AKT3: variants seen among roughly 807,000 people sequenced by gnomAD.
AKT3 encodes the protein AKT serine/threonine kinase 3.
A neutral mutation model predicts 65.3 loss-of-function variants in AKT3; 15 were observed. That is an observed-to-expected ratio of 0.23 (90% CI 0.15 to 0.35). The LOEUF (loss-of-function observed/expected upper bound fraction) is 0.35, where lower values mean the gene tolerates loss of function less well. AKT3 is among the 10% of genes least tolerant of loss of function. AKT3 has a pLI of 1.00. For synonymous variants in AKT3, 206 were observed against 183.8 expected (o/e 1.12, Z -0.98); for missense variants, 243 against 576.5 (o/e 0.42, Z 5.92).
intron 2 of AKT3, among the ~76,000 whole-genome samples, chr1:243,833,589 G>A (rs1302785539): frequency 6.6e-6 from 1 of 152,006 alleles, no homozygotes; most frequent in African/African-American, 2.4e-5. Context: ...GGGACACGAA[G>A]CCTAACCATA....
intron 3 of AKT3, among the ~76,000 whole-genome samples, chr1:243,691,871 C>T (rs1329324146): frequency 6.6e-6 from 1 of 152,116 alleles, no homozygotes; most frequent in East Asian, 1.9e-4. Flanking sequence ...CAAAAGTCAA[C>T]GTGTCCGCCC....
intron 8 of AKT3, among the ~76,000 whole-genome samples, chr1:243,592,984 G>T (rs531554125): frequency 6.6e-6 from 1 of 152,234 alleles, no homozygotes; most frequent in African/African-American, 2.4e-5. Context: ...ATGTGAAATG[G>T]TATAATCTAA....
chr1:243,846,649 G>A (rs1184538026), intron 1 of AKT3, among the ~76,000 whole-genome samples: 1 of 152,020 alleles, frequency 6.6e-6, no homozygotes, highest in Non-Finnish European at 1.5e-5. Context: ...TATTTAATTT[G>A]GCATTTTAAA....
chr1:243,500,245 C>T lies in AKT3; in HGVS notation c.*5004G>A. ...TGATCTATATATCAATCATCCTTCA[C>T]CTTTAATCAATGTCCCATCAGACTC... is the stretch of plus-strand genomic sequence containing the variant. On this transcript the variant is annotated 3_prime_UTR_variant, in exon 14 of 14. Coordinates refer to ENST00000673466, the MANE Select transcript of AKT3 (RefSeq NM_005465.7). 4.2e-6 allele frequency: 1 copy of T among 238,486 alleles called. No individual in the cohort carries two copies. The highest frequency in any genetic ancestry group is 8.3e-6 in the Non-Finnish European group (1 of 120,678). 14.8% of individuals were successfully genotyped at this position (238,486 alleles called of 1,614,324 possible).
chr1:243,842,960 T>G (rs1695337985), intron 2 of AKT3, among the ~76,000 whole-genome samples, 165 bp downstream of exon 2: 1 of 152,120 alleles, frequency 6.6e-6, no homozygotes, highest in South Asian at 2.1e-4. Context: ...AAAAAATCCC[T>G]TAATAACAAG....
intron 2 of AKT3, among the ~76,000 whole-genome samples, chr1:243,728,286 C>T (rs1687338281): frequency 6.6e-6 from 1 of 152,172 alleles, no homozygotes; most frequent in South Asian, 2.1e-4. Context: ...ATTCACTCAA[C>T]CTCAACCAAA....
chr1:243,726,283 A>T (rs917297688), intron 2 of AKT3, among the ~76,000 whole-genome samples: 17 of 151,864 alleles, frequency 1.1e-4, no homozygotes, highest in African/African-American at 4.1e-4. Flanking sequence ...GTATTAAAGG[A>T]TGTATAAGTA....
At chr1:243,513,782 C>T (rs1670172784) in intron 12 of AKT3, among the ~76,000 whole-genome samples, 2 of 152,160 alleles carry the variant, frequency 1.3e-5, no homozygotes, top group Non-Finnish European at 2.9e-5. Context: ...GGCGACTAAT[C>T]CCTAAACTGA....
chr1:243,518,638 A>C (rs1035509979), intron 12 of AKT3, among the ~76,000 whole-genome samples: 47 of 152,300 alleles, frequency 3.1e-4, no homozygotes, highest in Non-Finnish European at 5.6e-4. Flanking sequence ...ACAAAAAAAA[A>C]CTGCCACAGT....
chr1:243,562,584 T>C (rs1373256454), intron 10 of AKT3, among the ~76,000 whole-genome samples: 1 of 152,186 alleles, frequency 6.6e-6, no homozygotes, highest in Admixed American at 6.6e-5. Flanking sequence ...ATGTGTTCCC[T>C]AGGACATTTG....
At chr1:243,611,854 A>C (rs1677894044) in intron 8 of AKT3, among the ~76,000 whole-genome samples, 1 of 152,114 alleles carries the variant, frequency 6.6e-6, no homozygotes, top group Admixed American at 6.5e-5. Flanking sequence ...TCTGCCTGAA[A>C]CAACTTCTTA....
Position 243,664,392 on chromosome 1 carries a change from G to A in AKT3, c.284+380C>T, listed in dbSNP as rs183953399. 2.0e-3 allele frequency among the ~76,000 whole-genome samples: 302 copies of A among 151,248 alleles called. 8 individuals are homozygous for A. In the South Asian group the frequency reaches 0.043, roughly 21 times the overall value. On this transcript the variant is annotated intron_variant, in intron 4 of 13. Coordinates refer to ENST00000673466, the MANE Select transcript of AKT3 (RefSeq NM_005465.7). The stretch of plus-strand genomic sequence containing the variant: ...TTTGTGTGTGTGTTTTTTTAGTAGC[G>A]ACAGGGTTTCACCTTGTCAGCCAGG...
chr1:243,605,339 T>C (rs1346138983), intron 8 of AKT3, among the ~76,000 whole-genome samples: 3 of 152,204 alleles, frequency 2.0e-5, no homozygotes, highest in Non-Finnish European at 4.4e-5. Context: ...GAAAATAGTT[T>C]CTTTAAATGA....
Position 243,695,580 on chromosome 1 carries a change from A to G in AKT3, c.172+11T>C. On this transcript the variant is annotated intron_variant, in intron 3 of 13. Coordinates refer to ENST00000673466, the MANE Select transcript of AKT3 (RefSeq NM_005465.7). ...AAATACAAGATGAATCAACAATTAT[A>G]ATTAACTTACTTGCCACTGAAAAGT... 1 of 1,577,510 alleles carries G rather than the reference A, an allele frequency of 6.3e-7. No homozygotes were observed. The highest frequency in any genetic ancestry group is 8.6e-7 in the Non-Finnish European group (1 of 1,158,922).
chr1:243,827,962 T>C (rs983754201), intron 2 of AKT3, among the ~76,000 whole-genome samples: 1 of 152,150 alleles, frequency 6.6e-6, no homozygotes, highest in Non-Finnish European at 1.5e-5. Flanking sequence ...AATATCATAA[T>C]GAAAACATTG....
At chr1:243,617,478 T>G (rs974190251) in intron 6 of AKT3, among the ~76,000 whole-genome samples, 3 of 151,898 alleles carry the variant, frequency 2.0e-5, no homozygotes, top group African/African-American at 7.3e-5. Context: ...TAAGGTAACT[T>G]AATAAAAAAA....
At chr1:243,766,117 G>C (rs575714103) in intron 2 of AKT3, among the ~76,000 whole-genome samples, 1 of 152,116 alleles carries the variant, frequency 6.6e-6, no homozygotes, top group South Asian at 2.1e-4. Flanking sequence ...GTAAGTTTGA[G>C]TGAACTTTTA....
At position 243,681,730 on chromosome 1, in the gene AKT3, T is replaced by TA. The variant is rs564897564; in HGVS notation, c.172+13860dup. Among the ~76,000 whole-genome samples, 17 of 152,290 alleles carry TA rather than the reference T, an allele frequency of 1.1e-4. No individual in the cohort carries two copies. The South Asian group carries it at 3.1e-3, about 28-fold the overall frequency. Reference sequence around the variant, plus strand: ...GATTAAATGCATTCAAACCAGGTGTTAGAGTTCAAATCACAGTTCTGCCAC... The same window carrying TA: ...GATTAAATGCATTCAAACCAGGTGTTAAGAGTTCAAATCACAGTTCTGCCAC... On this transcript the variant is annotated intron_variant, in intron 3 of 13. Coordinates refer to ENST00000673466, the MANE Select transcript of AKT3 (RefSeq NM_005465.7).
At chr1:243,603,228 C>G (rs1186571949) in intron 8 of AKT3, among the ~76,000 whole-genome samples, 2 of 152,168 alleles carry the variant, frequency 1.3e-5, no homozygotes, top group Non-Finnish European at 2.9e-5. Flanking sequence ...TTCTACTGGG[C>G]TCCAAACCAA....
Sources: allele counts gnomAD v4.1 joint callset (sites outside exome capture counted in the v4.1 genomes callset), GRCh38; gene constraint gnomAD v4.1.1; transcripts MANE v1.5; gene names NCBI Gene and HGNC (gene_info 2026-07-23, HGNC 2026-07-21).